RHBDL3: variants seen among roughly 807,000 people sequenced by gnomAD.
RHBDL3 encodes the protein rhomboid like 3, also known as rhomboid-related protein 3.
In RHBDL3, 28 loss-of-function variants were observed where a neutral mutation model predicts 48.2. The ratio of observed to expected loss-of-function variants is 0.58; its 90% CI spans 0.43 to 0.80. RHBDL3 has a LOEUF of 0.80. RHBDL3 is among the 30% of genes least tolerant of loss of function. The pLI is 0.00. For missense variants in RHBDL3, 464 were observed against 542.7 expected (o/e 0.85, Z 1.44); for synonymous variants, 208 against 232.3 (o/e 0.90, Z 0.95).
intron 1 of RHBDL3, chr17:32,267,654 T>TGGCGGG: frequency 3.2e-6 from 2 of 632,234 alleles, no homozygotes; most frequent in East Asian, 3.8e-5. Flanking sequence ...ACACCCACCT[T>TGGCGGG]GCCGCCCCCG....
intron 2 of RHBDL3, among the ~76,000 whole-genome samples, chr17:32,272,035 G>A (rs532732835): frequency 6.6e-6 from 1 of 152,362 alleles, no homozygotes; most frequent in South Asian, 2.1e-4. Context: ...AGCTCTCTGA[G>A]CCTCAGTTTC....
At chr17:32,320,350 A>G (rs576496454) in intron 8 of RHBDL3, among the ~76,000 whole-genome samples, 1 of 152,120 alleles carries the variant, frequency 6.6e-6, no homozygotes, top group South Asian at 2.1e-4. Flanking sequence ...TGTTTTTGAG[A>G]CAGTCTTGCT....
At position 32,266,264 on chromosome 17, in the gene RHBDL3, C is replaced by T; in HGVS notation, c.75C>T (p.Pro25=). The change falls in exon 1 of 9, where the codon CCC becomes CCT. Residue 25 remains proline, a synonymous_variant. Transcript: ENST00000269051. The part of the protein sequence containing the change: ...AEAERIEELE[P]EAEERLPAAP... The stretch of plus-strand genomic sequence containing the variant: ...CGGAGCGCATCGAGGAGCTGGAACC[C>T]GAGGCCGAGGAGCGGCTGCCCGCGG... 1 of 1,468,834 alleles carries T rather than the reference C, an allele frequency of 6.8e-7. No homozygotes were observed. Among genetic ancestry groups the T allele is most frequent in the South Asian group, 1.3e-5 (1 of 77,648 alleles). 91.0% of individuals were successfully genotyped at this position (1,468,834 alleles called of 1,614,324 possible).
chr17:32,299,212 C>T (rs753590070), intron 6 of RHBDL3, among the ~76,000 whole-genome samples: 1 of 152,122 alleles, frequency 6.6e-6, no homozygotes, highest in Non-Finnish European at 1.5e-5. Flanking sequence ...AAACAACAGG[C>T]AGGCAGGGAC....
intron 7 of RHBDL3, among the ~76,000 whole-genome samples, chr17:32,312,023 A>G (rs545271165): frequency 7.7e-4 from 118 of 152,350 alleles, no homozygotes; most frequent in Non-Finnish European, 1.4e-3. Flanking sequence ...GATAGGGCCC[A>G]GGAGGGGCAT....
chr17:32,266,202 C>G lies in RHBDL3; in HGVS notation c.13C>G (p.Pro5Ala), dbSNP rs1317295452. The change falls in exon 1 of 9, where the codon CCC becomes GCC. Residue 5 changes from proline to alanine, a missense_variant. Coordinates refer to ENST00000269051, the MANE Select transcript of RHBDL3 (RefSeq NM_138328.3). ...CCCCGTCTCGGCCATGGGCGAGCAC[C>G]CCAGCCCGGGCCCCGCGGTGGCCGC... MGEH[P>A]SPGPAVAACA... 1.4e-6 allele frequency: 2 copies of G among 1,385,434 alleles called. No individual in the cohort carries two copies. Among genetic ancestry groups the G allele is most frequent in the Admixed American group, 3.3e-5 (1 of 30,464 alleles). The allele number at this position is 1,385,434 out of a possible 1,614,324, so 85.8% of individuals were successfully genotyped here. A position where few individuals can be genotyped will look rare whatever the true frequency, so the allele number is the denominator to read the frequency against.
intron 2 of RHBDL3, among the ~76,000 whole-genome samples, chr17:32,274,896 G>T (rs537503983): frequency 6.6e-6 from 1 of 152,272 alleles, no homozygotes; most frequent in East Asian, 1.9e-4. Context: ...GTGCACGCAT[G>T]CATGTGTGTG....
intron 2 of RHBDL3, among the ~76,000 whole-genome samples, chr17:32,272,926 C>T (rs2039807574): frequency 6.6e-6 from 1 of 152,240 alleles, no homozygotes; most frequent in East Asian, 1.9e-4. Flanking sequence ...CGTATGGCTG[C>T]TGCCACCTCA....
intron 6 of RHBDL3, among the ~76,000 whole-genome samples, chr17:32,299,053 T>TG (rs2040522103): frequency 6.6e-6 from 1 of 151,614 alleles, no homozygotes; most frequent in Non-Finnish European, 1.5e-5. Context: ...GCTGTTTTTT[T>TG]TTTTTTTTTT....
Position 32,297,239 on chromosome 17 carries a change from G to A in RHBDL3, c.669-853G>A, listed in dbSNP as rs188801432. On this transcript the variant is annotated intron_variant, in intron 5 of 8. Coordinates refer to ENST00000269051, the MANE Select transcript of RHBDL3 (RefSeq NM_138328.3). ...TCCCAAAACTTTGGGAGGCCGAGGC[G>A]AGTGGATCACTTGAGGTCAGGAGTT... Among the ~76,000 whole-genome samples the A allele has an allele frequency of 3.3e-3, 504 of 151,788 alleles. 4 individuals are homozygous for A. Among genetic ancestry groups the A allele is most frequent in the African/African-American group, 0.012 (482 of 41,482 alleles).
chr17:32,299,801 A>G (rs564574445), intron 6 of RHBDL3, among the ~76,000 whole-genome samples: 2 of 152,336 alleles, frequency 1.3e-5, no homozygotes, highest in Admixed American at 1.3e-4. Context: ...GGGCTGTATC[A>G]TTGAGCACAT....
At chr17:32,278,008 T>G (rs1361245134) in intron 2 of RHBDL3, among the ~76,000 whole-genome samples, 1 of 152,078 alleles carries the variant, frequency 6.6e-6, no homozygotes, top group Admixed American at 6.5e-5. Context: ...GGGAAACCCT[T>G]AAAAATCAGC....
chr17:32,316,157 A>G, intron 7 of RHBDL3, 75 bp from the exon 8 acceptor site: 2 of 1,036,184 alleles, frequency 1.9e-6, no homozygotes. Context: ...TTTTAATGTC[A>G]GGTTTTCTTA....
chr17:32,323,395 G>A lies in RHBDL3; in HGVS notation c.*2166G>A, dbSNP rs1338778410. 1 of 152,408 alleles carries A rather than the reference G, an allele frequency of 6.6e-6. No homozygotes were observed. The highest frequency in any genetic ancestry group is 1.5e-5 in the Non-Finnish European group (1 of 68,202). The allele number at this position is 152,408 out of a possible 1,614,324, so 9.4% of individuals were successfully genotyped here. A position where few individuals can be genotyped will look rare whatever the true frequency, so the allele number is the denominator to read the frequency against. The stretch of plus-strand genomic sequence containing the variant: ...AAGACCAGGGGAGGATGCAGAAGGA[G>A]TCAGGACATTGCTGCCTCTGCCTGG... On this transcript the variant is annotated 3_prime_UTR_variant, in exon 9 of 9. Coordinates refer to ENST00000269051, the MANE Select transcript of RHBDL3 (RefSeq NM_138328.3).
At chr17:32,301,580 G>A (rs1226186827) in intron 6 of RHBDL3, among the ~76,000 whole-genome samples, 2 of 152,094 alleles carry the variant, frequency 1.3e-5, no homozygotes, top group African/African-American at 4.8e-5. Context: ...CAGCACTTTG[G>A]GAGGCCGAGG....
intron 8 of RHBDL3, among the ~76,000 whole-genome samples, chr17:32,318,847 A>G (rs1379596381): frequency 6.6e-6 from 1 of 152,080 alleles, no homozygotes; most frequent in Non-Finnish European, 1.5e-5. Flanking sequence ...CTCCGCTTCA[A>G]TTCACGTCCA....
intron 2 of RHBDL3, among the ~76,000 whole-genome samples, chr17:32,283,825 G>A (rs1431352128): frequency 6.6e-6 from 1 of 152,228 alleles, no homozygotes; most frequent in African/African-American, 2.4e-5. Flanking sequence ...AAAGCAGACA[G>A]ACATCAGTGT....
intron 3 of RHBDL3, 78 bp downstream of exon 3, chr17:32,284,895 C>A: frequency 1.5e-6 from 2 of 1,298,766 alleles, no homozygotes; most frequent in Non-Finnish European, 1.1e-6. Context: ...AGGATTTAGG[C>A]AATTCAAAGG....
At chr17:32,278,760 T>A (rs1167607809) in intron 2 of RHBDL3, among the ~76,000 whole-genome samples, 2 of 152,262 alleles carry the variant, frequency 1.3e-5, no homozygotes, top group East Asian at 3.9e-4. Context: ...AGGGTTGCTG[T>A]GAGATTTAAA....
Sources: allele counts gnomAD v4.1 joint callset (sites outside exome capture counted in the v4.1 genomes callset), GRCh38; gene constraint gnomAD v4.1.1; transcripts MANE v1.5; gene names NCBI Gene and HGNC (gene_info 2026-07-23, HGNC 2026-07-21).